The following TCF4 variants were observed in gnomAD, a reference collection of about 807,000 sequenced individuals.
The protein encoded by TCF4 is SL3-3 enhancer factor 2.
A neutral mutation model predicts 82.1 loss-of-function variants in TCF4; 3 were observed. The observed-to-expected ratio is 0.04, with a 90% CI of 0.02 to 0.09. The LOEUF (loss-of-function observed/expected upper bound fraction) is 0.09. Ranked by LOEUF, TCF4 falls within the 10% of genes least tolerant of loss-of-function variation. The probability of loss-of-function intolerance (pLI) is 1.00; values close to 1 mark genes in which losing one functional copy is unlikely to be tolerated. For synonymous variants in TCF4, 276 were observed against 309.6 expected (o/e 0.89, Z 1.14); for missense variants, 518 against 852.7 (o/e 0.61, Z 4.89).
At chr18:55,290,216 T>C (rs1473922984) in intron 8 of TCF4, among the ~76,000 whole-genome samples, 1 of 152,214 alleles carries the variant, frequency 6.6e-6, no homozygotes, top group African/African-American at 2.4e-5. Context: ...CACAGGTTGA[T>C]GCCTGAAGCC....
At chr18:55,509,949 G>T (rs1231530934) in intron 3 of TCF4, among the ~76,000 whole-genome samples, 2 of 152,164 alleles carry the variant, frequency 1.3e-5, no homozygotes, top group Non-Finnish European at 2.9e-5. Flanking sequence ...CTTCATCCAT[G>T]AAAATGCCTG....
At chr18:55,379,626 T>G (rs533049966) in intron 6 of TCF4, among the ~76,000 whole-genome samples, 25 of 151,582 alleles carry the variant, frequency 1.6e-4, no homozygotes, top group Middle Eastern at 3.4e-3. Flanking sequence ...GTTTTTGGGG[T>G]TTTTTTTGGT....
At chr18:55,518,595 T>A (rs2096905237) in intron 3 of TCF4, among the ~76,000 whole-genome samples, 1 of 152,204 alleles carries the variant, frequency 6.6e-6, no homozygotes, top group African/African-American at 2.4e-5. Context: ...TTTTAATTGC[T>A]TTTGATCATC....
chr18:55,484,160 T>C (rs2096483383), intron 3 of TCF4, among the ~76,000 whole-genome samples: 1 of 152,320 alleles, frequency 6.6e-6, no homozygotes, highest in African/African-American at 2.4e-5. Context: ...GAACTCCAAA[T>C]TTGGATGAAA....
chr18:55,322,105 CTTTTT>C lies in TCF4; in HGVS notation c.549+28249_549+28253del, dbSNP rs1213553765. On this transcript the variant is annotated intron_variant, in intron 8 of 19. Coordinates refer to ENST00000354452, the MANE Select transcript of TCF4 (RefSeq NM_001083962.2). ...TCTTTTTCTTTTCTTTTTTTTTTTC[CTTTTT>C]TTTTTTTTTTTTGTTTTGTTTTGTT... The C allele has an allele frequency of 2.1e-5, 18 of 873,352 alleles. No individual in the cohort carries two copies. The East Asian group carries it at 3.3e-4, about 16-fold the overall frequency. The allele number at this position is 873,352 out of a possible 1,614,324, so 54.1% of individuals were successfully genotyped here. A position where few individuals can be genotyped will look rare whatever the true frequency, so the allele number is the denominator to read the frequency against.
In TCF4 at chr18:55,291,179, T is replaced by G. The variant is rs1393471018; in HGVS notation, c.550-11523A>C. 2.6e-5 allele frequency among the ~76,000 whole-genome samples: 4 copies of G among 152,294 alleles called. No homozygotes were observed. The East Asian group carries it at 7.7e-4, about 29-fold the overall frequency. On this transcript the variant is annotated intron_variant, in intron 8 of 19. Coordinates refer to ENST00000354452, the MANE Select transcript of TCF4 (RefSeq NM_001083962.2). ...GACAGAGTAAGGGCAGGAATGGGGT[T>G]ATAACCTAGGTCTTTTCATTTGAAA...
intron 2 of TCF4, among the ~76,000 whole-genome samples, chr18:55,625,677 T>C (rs8090341): frequency 0.42 from 64,114 of 152,162 alleles, 16,074 homozygotes; most frequent in Admixed American, 0.61. Flanking sequence ...TTTTCTGATA[T>C]ATTTTTGTAA....
At chr18:55,350,326 G>A (rs2082074890) in intron 8 of TCF4, 33 bp downstream of exon 8, 2 of 1,604,996 alleles carry the variant, frequency 1.2e-6, no homozygotes, top group African/African-American at 1.3e-5. Flanking sequence ...AACAAAATAA[G>A]CAATATACAA....
chr18:55,394,365 C>G (rs1044577410), intron 6 of TCF4, among the ~76,000 whole-genome samples: 1 of 152,044 alleles, frequency 6.6e-6, no homozygotes, highest in South Asian at 2.1e-4. Flanking sequence ...TTGTTATTGT[C>G]GCAAATGCAT....
intron 6 of TCF4, among the ~76,000 whole-genome samples, chr18:55,357,301 T>C (rs553983978): frequency 5.3e-5 from 8 of 152,232 alleles, no homozygotes; most frequent in Admixed American, 5.2e-4. Flanking sequence ...ATCAGTAACC[T>C]ATAATAAAAA....
intron 5 of TCF4, among the ~76,000 whole-genome samples, chr18:55,418,485 T>C (rs915067434): frequency 2.0e-5 from 3 of 152,226 alleles, no homozygotes; most frequent in African/African-American, 7.2e-5. Flanking sequence ...ATCTGCATCC[T>C]GTATTAACAA....
At chr18:55,367,213 T>C (rs1219881088) in intron 6 of TCF4, among the ~76,000 whole-genome samples, 3 of 152,198 alleles carry the variant, frequency 2.0e-5, no homozygotes, top group Non-Finnish European at 4.4e-5. Flanking sequence ...CATGTGCTCA[T>C]GGGTGTGATT....
chr18:55,423,264 C>CA (rs1004525961), intron 5 of TCF4, among the ~76,000 whole-genome samples: 5 of 150,972 alleles, frequency 3.3e-5, no homozygotes, highest in East Asian at 1.9e-4. Flanking sequence ...GGCTCCGTTA[C>CA]AAAAAAAAAT....
chr18:55,254,813 C>T (rs1409606799), intron 14 of TCF4, 113 bp from the exon 15 acceptor site: 1 of 949,588 alleles, frequency 1.1e-6, no homozygotes, highest in Non-Finnish European at 1.7e-6. Flanking sequence ...TACATGTTTC[C>T]AATAAAATGT....
At chr18:55,319,412 G>C (rs1181840504) in intron 8 of TCF4, among the ~76,000 whole-genome samples, 1 of 152,070 alleles carries the variant, frequency 6.6e-6, no homozygotes, top group Non-Finnish European at 1.5e-5. Context: ...CCCCTTCCTT[G>C]GGACACACAC....
intron 3 of TCF4, among the ~76,000 whole-genome samples, chr18:55,525,981 C>G (rs558195314): frequency 1.2e-4 from 18 of 152,342 alleles, no homozygotes; most frequent in African/African-American, 4.3e-4. Flanking sequence ...CACCCTTGAG[C>G]TGCCAGTCTC....
intron 2 of TCF4, among the ~76,000 whole-genome samples, chr18:55,611,871 C>T (rs751084278): frequency 2.6e-5 from 4 of 152,136 alleles, no homozygotes; most frequent in Admixed American, 6.6e-5. Context: ...CGAATTCAAG[C>T]GATTCTCTTG....
intron 1 of TCF4, among the ~76,000 whole-genome samples, chr18:55,634,685 C>G (rs1029554717): frequency 6.6e-6 from 1 of 152,106 alleles, no homozygotes; most frequent in Middle Eastern, 3.2e-3. Context: ...CTATATTAAA[C>G]TGACAATGGT....
intron 3 of TCF4, among the ~76,000 whole-genome samples, chr18:55,490,514 G>A (rs1483919203): frequency 6.6e-6 from 1 of 151,910 alleles, no homozygotes. Context: ...TATCATACAC[G>A]TTGATATGAA....
Sources: allele counts gnomAD v4.1 joint callset (sites outside exome capture counted in the v4.1 genomes callset), GRCh38; gene constraint gnomAD v4.1.1; transcripts MANE v1.5; gene names NCBI Gene and HGNC (gene_info 2026-07-23, HGNC 2026-07-21).